The following MMP16 variants were observed in gnomAD, a reference collection of about 807,000 sequenced individuals.
MMP16 encodes the protein matrix metalloproteinase-16.
In MMP16, 12 loss-of-function variants were observed where a neutral mutation model predicts 67.8. The ratio of observed to expected loss-of-function variants is 0.18; its 90% CI spans 0.11 to 0.29. The LOEUF (loss-of-function observed/expected upper bound fraction) is 0.29, where lower values mean the gene tolerates loss of function less well. Among genes scored for constraint, MMP16 ranks in the 10% least tolerant of loss-of-function variants. MMP16 has a pLI of 1.00. For synonymous variants in MMP16, 249 were observed against 255.9 expected, an observed-to-expected ratio of 0.97 and a Z score of 0.26; for missense variants, 475 against 765.7, an observed-to-expected ratio of 0.62 and a Z score of 4.48.
chr8:88,316,753 C>T (rs1811381002), intron 1 of MMP16, among the ~76,000 whole-genome samples: 1 of 152,128 alleles, frequency 6.6e-6, no homozygotes, highest in Admixed American at 6.5e-5. Context: ...ATAAGACATA[C>T]ATTTTGTAAG....
intron 1 of MMP16, among the ~76,000 whole-genome samples, chr8:88,256,620 T>C (rs1810304570): frequency 6.6e-6 from 1 of 151,840 alleles, no homozygotes; most frequent in East Asian, 1.9e-4. Flanking sequence ...CATCTTGCTA[T>C]CTTCCCTTCT....
chr8:88,160,464 T>TA (rs1479774238), intron 4 of MMP16, among the ~76,000 whole-genome samples: 2 of 151,938 alleles, frequency 1.3e-5, no homozygotes, highest in African/African-American at 4.8e-5. Flanking sequence ...CATCAAAAAG[T>TA]GGGCAAAGGA....
intron 6 of MMP16, among the ~76,000 whole-genome samples, chr8:88,093,009 T>G (rs1332482258): frequency 6.6e-6 from 1 of 151,842 alleles, no homozygotes; most frequent in Non-Finnish European, 1.5e-5. Context: ...TTTCCAAATA[T>G]TCTAAGGAAA....
chr8:88,161,790 T>A (rs932095277), intron 4 of MMP16, among the ~76,000 whole-genome samples: 6 of 152,200 alleles, frequency 3.9e-5, no homozygotes, highest in African/African-American at 1.4e-4. Flanking sequence ...TCTTTATTTC[T>A]GCCTTCATTT....
chr8:88,136,183 A>G (rs948539514), intron 4 of MMP16, among the ~76,000 whole-genome samples: 1 of 151,800 alleles, frequency 6.6e-6, no homozygotes, highest in Admixed American at 6.6e-5. Flanking sequence ...GAAAGAGATG[A>G]CTAAAAAAGG....
intron 1 of MMP16, among the ~76,000 whole-genome samples, chr8:88,220,907 C>T (rs915050267): frequency 5.3e-5 from 8 of 152,084 alleles, no homozygotes; most frequent in Admixed American, 1.3e-4. Flanking sequence ...TGAAACCCTA[C>T]TAAATTAGAA....
intron 8 of MMP16, among the ~76,000 whole-genome samples, chr8:88,049,801 A>AT (rs2118208718): frequency 6.6e-6 from 1 of 152,220 alleles, no homozygotes; most frequent in Non-Finnish European, 1.5e-5. Flanking sequence ...AGATGGATGG[A>AT]TTGCTTGAGC....
intron 3 of MMP16, among the ~76,000 whole-genome samples, chr8:88,176,370 T>A (rs946219686): frequency 6.6e-6 from 1 of 152,196 alleles, no homozygotes; most frequent in African/African-American, 2.4e-5. Context: ...TCCCTTCCTT[T>A]CTTCCTTCCT....
At chr8:88,213,274 T>A (rs1335810373) in intron 1 of MMP16, among the ~76,000 whole-genome samples, 5 of 152,160 alleles carry the variant, frequency 3.3e-5, no homozygotes, top group Non-Finnish European at 7.4e-5. Context: ...CCATTCTGAC[T>A]TGATAAATAC....
chr8:88,130,229 CA>C (rs1279103871), intron 4 of MMP16, among the ~76,000 whole-genome samples: 1 of 151,674 alleles, frequency 6.6e-6, no homozygotes, highest in East Asian at 1.9e-4. Context: ...TTAACTGAGC[CA>C]GTTTATCAAA....
chr8:88,199,713 G>A (rs918774172), intron 1 of MMP16, among the ~76,000 whole-genome samples: 5 of 151,788 alleles, frequency 3.3e-5, no homozygotes, highest in Non-Finnish European at 5.9e-5. Flanking sequence ...ATATATATGT[G>A]AGTATGTATG....
intron 6 of MMP16, among the ~76,000 whole-genome samples, chr8:88,094,818 A>G (rs1808998480): frequency 6.6e-6 from 1 of 151,772 alleles, no homozygotes; most frequent in Non-Finnish European, 1.5e-5. Flanking sequence ...CTTGTACTAC[A>G]GTTAATAGGT....
At chr8:88,153,812 A>T (rs1279881822) in intron 4 of MMP16, among the ~76,000 whole-genome samples, 2 of 151,700 alleles carry the variant, frequency 1.3e-5, no homozygotes, top group Admixed American at 1.3e-4. Context: ...ATGGGCAAGG[A>T]CTTCATGTCC....
intron 1 of MMP16, among the ~76,000 whole-genome samples, chr8:88,241,563 T>C (rs752301132): frequency 3.3e-5 from 5 of 152,212 alleles, no homozygotes; most frequent in African/African-American, 4.8e-5. Context: ...ATTTGATGAA[T>C]AGAAATTGGA....
intron 4 of MMP16, among the ~76,000 whole-genome samples, chr8:88,132,190 A>C (rs1438880572): frequency 6.6e-6 from 1 of 151,940 alleles, no homozygotes; most frequent in African/African-American, 2.4e-5. Flanking sequence ...AGTAAAAAAA[A>C]TAAAGATTGT....
chr8:88,228,845 T>C (rs1324115298), intron 1 of MMP16, among the ~76,000 whole-genome samples: 1 of 151,954 alleles, frequency 6.6e-6, no homozygotes, highest in Non-Finnish European at 1.5e-5. Flanking sequence ...AGCAACACTT[T>C]AATAGTACAA....
chr8:88,081,483 C>T (rs984660466), intron 6 of MMP16, among the ~76,000 whole-genome samples: 5 of 152,050 alleles, frequency 3.3e-5, no homozygotes, highest in African/African-American at 1.2e-4. Flanking sequence ...GATGGTCTGG[C>T]TTGTGCCTGT....
intron 8 of MMP16, among the ~76,000 whole-genome samples, chr8:88,047,784 A>C (rs1322712319): frequency 2.0e-5 from 3 of 152,230 alleles, no homozygotes; most frequent in African/African-American, 7.2e-5. Context: ...TGAACAGAGA[A>C]GCTTAAACTT....
chr8:88,105,921 A>G (rs1053045959), intron 6 of MMP16, among the ~76,000 whole-genome samples: 2 of 151,150 alleles, frequency 1.3e-5, no homozygotes, highest in Admixed American at 6.6e-5. Context: ...TTTATCATCC[A>G]GAGGTAACTG....
Sources: gnomAD v4.1 joint callset for allele counts (sites outside exome capture counted in the v4.1 genomes callset) on GRCh38, gnomAD v4.1.1 for gene constraint, MANE v1.5 for transcripts, NCBI Gene and HGNC (gene_info 2026-07-23, HGNC 2026-07-21) for gene names.